The following CECR2 variants were observed in gnomAD, a reference collection of about 807,000 sequenced individuals.
CECR2 encodes the protein CECR2 histone acetyl-lysine reader, also known as chromatin remodeling regulator CECR2.
CECR2 carries 30 observed loss-of-function variants against 154.5 expected under a neutral mutation model. That is an observed-to-expected ratio of 0.19 (90% CI 0.15 to 0.26). The LOEUF is 0.26. Among genes scored for constraint, CECR2 ranks in the 10% least tolerant of loss-of-function variants. The pLI, the probability that CECR2 is intolerant of heterozygous loss-of-function variation, is 1.00. For synonymous variants in CECR2, 725 were observed against 683.7 expected (o/e 1.06, Z -0.94); for missense variants, 1,743 against 1,829.3 (o/e 0.95, Z 0.86).
intron 1 of CECR2, among the ~76,000 whole-genome samples, chr22:17,400,446 A>G (rs1486994433): frequency 6.6e-6 from 1 of 152,202 alleles, no homozygotes; most frequent in Non-Finnish European, 1.5e-5. Context: ...GTGTTGAATA[A>G]GGTTAGAGAA....
intron 1 of CECR2, among the ~76,000 whole-genome samples, chr22:17,465,110 C>A (rs1476488366): frequency 6.6e-6 from 1 of 151,308 alleles, no homozygotes; most frequent in African/African-American, 2.4e-5. Flanking sequence ...CATTCTCCTG[C>A]CTCAGCCTCC....
intron 1 of CECR2, among the ~76,000 whole-genome samples, chr22:17,381,028 T>C (rs2063181514): frequency 6.8e-6 from 1 of 147,872 alleles, no homozygotes. Flanking sequence ...GTGAATTCTT[T>C]TAGGTGTGGG....
rs1443085744 is a variant in CECR2, at chr22:17,538,725, T to G, written c.1362T>G (p.Ile454Met). The change falls in exon 12 of 19, where the codon ATT becomes ATG. Residue 454 changes from isoleucine (I) to methionine (M), a missense_variant. Transcript: ENST00000262608. ...CTTATGCCCCTAACTATTATCAGAT[T>G]ATTAAGGTAGAAGTTGTCTTTGCAG... ...DESYAPNYYQIIKAPMDISSM... is the reference protein window; with the variant it reads ...DESYAPNYYQMIKAPMDISSM... 1 of 1,613,362 alleles carries G rather than the reference T, an allele frequency of 6.2e-7. No individual in the cohort carries two copies. Among genetic ancestry groups the G allele is most frequent in the Non-Finnish European group, 8.5e-7 (1 of 1,179,364 alleles).
chr22:17,524,554 G>A (rs750686709), intron 9 of CECR2, among the ~76,000 whole-genome samples: 1,884 of 29,028 alleles, frequency 0.065, 41 homozygotes, highest in Non-Finnish European at 0.072. Flanking sequence ...CACCACGCCC[G>A]GCTAATTTTT....
At chr22:17,537,791 G>A (rs1484002448) in intron 10 of CECR2, among the ~76,000 whole-genome samples, 5 of 152,104 alleles carry the variant, frequency 3.3e-5, no homozygotes, top group East Asian at 1.9e-4. Context: ...TCAGGAGTTC[G>A]AGACCAGCCT....
At chr22:17,375,092 G>C (rs1322634578) in intron 1 of CECR2, among the ~76,000 whole-genome samples, 1 of 151,080 alleles carries the variant, frequency 6.6e-6, no homozygotes, top group African/African-American at 2.4e-5. Flanking sequence ...ACAAATTCAA[G>C]TATTCATTCA....
rs200404261 is a variant in CECR2 at position 17,548,452 on chromosome 22, C to T, written c.3165C>T (p.Asn1055=). The T allele has an allele frequency of 2.6e-4, 413 of 1,613,926 alleles. 1 individual carries two copies. Among genetic ancestry groups the T allele is most frequent in the Non-Finnish European group, 3.1e-4 (371 of 1,179,874 alleles). The stretch of plus-strand genomic sequence containing the variant: ...CAGACAGGGGCGCTCTATCCGAGAA[C>T]GGAGTCATTGGGGAAGCATCTCCTT... ...TVADRGALSE[N]GVIGEASPCG... Residue 1055 remains asparagine, a synonymous_variant, in exon 17 of 19, where the codon AAC becomes AAT. Coordinates refer to ENST00000262608, the MANE Select transcript of CECR2 (RefSeq NM_001290047.2).
At chr22:17,367,083 CA>C (rs2063005991), upstream of CECR2, among the ~76,000 whole-genome samples, 1 of 152,130 alleles carries the variant, frequency 6.6e-6, no homozygotes, top group Admixed American at 6.6e-5. Flanking sequence ...CGAGCAGCAC[CA>C]GGGGGCGCGT....
rs1271893508 is a variant in CECR2 at position 17,542,096 on chromosome 22, A to G, written c.2014-61A>G. On this transcript the variant is annotated intron_variant, in intron 15 of 18. Transcript: ENST00000262608. ...AAAGAGTCTGTTCCCATAGAGAAGC[A>G]TGGCACAAAGTGTGCCTTATTCTGT... 1.3e-5 allele frequency: 20 copies of G among 1,577,050 alleles called. No homozygotes were observed. In the African/African-American group the frequency reaches 2.0e-4, roughly 16 times the overall value.
chr22:17,367,653 C>T (rs1472957255), upstream of CECR2, among the ~76,000 whole-genome samples: 3 of 151,998 alleles, frequency 2.0e-5, no homozygotes, highest in East Asian at 4.0e-4. Context: ...TCCCAAAGTG[C>T]TGGGATTACA....
intron 1 of CECR2, among the ~76,000 whole-genome samples, chr22:17,430,287 G>C (rs528651064): frequency 6.6e-6 from 1 of 152,188 alleles, no homozygotes; most frequent in South Asian, 2.1e-4. Context: ...TAGCAAAATG[G>C]TGTGCACGGG....
rs1041363766 is a variant in CECR2 at position 17,557,188 on chromosome 22, C to T, written c.*4348C>T. 8.1e-6 allele frequency: 1 copy of T among 123,760 alleles called. No homozygotes were observed. 7.7% of individuals were successfully genotyped at this position (123,760 alleles called of 1,614,324 possible). A position where few individuals can be genotyped will look rare whatever the true frequency, so the allele number is the denominator to read the frequency against. Reference sequence around the variant, plus strand: ...TTTGAGACGAAATCTTGCTCTTGTCCCCCAGACTGGAGTGCAATGGCACGA... The same window carrying T: ...TTTGAGACGAAATCTTGCTCTTGTCTCCCAGACTGGAGTGCAATGGCACGA... On this transcript the variant is annotated 3_prime_UTR_variant, in exon 19 of 19. Transcript: ENST00000262608.
At chr22:17,549,588 C>T in intron 17 of CECR2, 24 bp downstream of exon 17, 1 of 1,502,610 alleles carries the variant, frequency 6.7e-7, no homozygotes, top group Non-Finnish European at 9.0e-7. Flanking sequence ...CAGGCTTTTC[C>T]CCCTAAAGAG....
At chr22:17,430,333 A>G (rs1166933549) in intron 1 of CECR2, among the ~76,000 whole-genome samples, 7 of 152,140 alleles carry the variant, frequency 4.6e-5, no homozygotes, top group Non-Finnish European at 7.3e-5. Flanking sequence ...ATCTATAGAA[A>G]GGGCCCTACC....
intron 1 of CECR2, among the ~76,000 whole-genome samples, chr22:17,386,126 C>T (rs759024274): frequency 1.3e-4 from 20 of 152,082 alleles, no homozygotes; most frequent in Non-Finnish European, 5.9e-5. Context: ...GACTCCGCAG[C>T]GACAAGGTCT....
intron 1 of CECR2, among the ~76,000 whole-genome samples, chr22:17,393,179 T>C (rs2053757044): frequency 6.6e-6 from 1 of 152,178 alleles, no homozygotes; most frequent in African/African-American, 2.4e-5. Context: ...TCCCCAGCTC[T>C]CCCTACCTCT....
At position 17,434,466 on chromosome 22, in the gene CECR2, C is replaced by A. The variant is rs188371819; in HGVS notation, c.127-43122C>A. ...AGTGCAAGAATCTTGCTTTAGGATT[C>A]ACCGCTTTACATGGTGGCAGTACAG... On this transcript the variant is annotated intron_variant, in intron 1 of 18. Transcript: ENST00000262608. Among the ~76,000 whole-genome samples, 53 of 152,276 alleles carry A rather than the reference C, an allele frequency of 3.5e-4. 1 individual carries two copies. The East Asian group carries it at 9.8e-3, about 28-fold the overall frequency.
Position 17,463,352 on chromosome 22 carries a change from C to T in CECR2, c.127-14236C>T, listed in dbSNP as rs895252029. ...TACAAAGGGGTGGAATGCTCTGACT[C>T]ACGTTTCGAAGGCTCACTAGCTGTT... On this transcript the variant is annotated intron_variant, in intron 1 of 18. Coordinates refer to ENST00000262608, the MANE Select transcript of CECR2 (RefSeq NM_001290047.2). 2.0e-5 allele frequency among the ~76,000 whole-genome samples: 3 copies of T among 149,920 alleles called. No individual in the cohort carries two copies. The South Asian group carries it at 6.2e-4, about 31-fold the overall frequency.
chr22:17,461,448 A>G (rs1430085328), intron 1 of CECR2, among the ~76,000 whole-genome samples: 1 of 152,156 alleles, frequency 6.6e-6, no homozygotes, highest in African/African-American at 2.4e-5. Flanking sequence ...CAAACTCCCT[A>G]TATTTCCCAC....
Sources: allele counts gnomAD v4.1 joint callset (sites outside exome capture counted in the v4.1 genomes callset), GRCh38; gene constraint gnomAD v4.1.1; transcripts MANE v1.5; gene names NCBI Gene and HGNC (gene_info 2026-07-23, HGNC 2026-07-21).